KIF5C: variants seen among roughly 807,000 people sequenced by gnomAD.
KIF5C encodes the protein kinesin heavy chain isoform 5C.
A neutral mutation model predicts 125.2 loss-of-function variants in KIF5C; 18 were observed. The observed-to-expected ratio is 0.14, with a 90% CI of 0.10 to 0.21. The LOEUF is 0.21. Among genes scored for constraint, KIF5C ranks in the 10% least tolerant of loss-of-function variants. The probability of loss-of-function intolerance (pLI) is 1.00; values close to 1 mark genes in which losing one functional copy is unlikely to be tolerated. For missense variants in KIF5C, 780 were observed against 1,183.8 expected (o/e 0.66, Z 5.01); for synonymous variants, 405 against 434.0 (o/e 0.93, Z 0.83).
chr2:148,948,338 C>T (rs1419464149), intron 8 of KIF5C, among the ~76,000 whole-genome samples: 1 of 145,014 alleles, frequency 6.9e-6, no homozygotes, highest in African/African-American at 2.6e-5. Context: ...GCCTGGGTGA[C>T]AGAGGGAGAC....
chr2:148,891,636 T>A (rs779563343), intron 1 of KIF5C, among the ~76,000 whole-genome samples: 1 of 152,210 alleles, frequency 6.6e-6, no homozygotes, highest in Non-Finnish European at 1.5e-5. Flanking sequence ...AACAGTGTAG[T>A]GACAACACTT....
chr2:148,906,339 A>AG (rs1218420688), intron 1 of KIF5C, among the ~76,000 whole-genome samples: 3 of 152,216 alleles, frequency 2.0e-5, no homozygotes, highest in African/African-American at 7.2e-5. Context: ...CTCATTGATC[A>AG]TAAGGAAGTC....
chr2:148,921,916 A>AT (rs562895264), intron 1 of KIF5C, among the ~76,000 whole-genome samples: 2 of 152,080 alleles, frequency 1.3e-5, no homozygotes, highest in East Asian at 3.8e-4. Context: ...TTCAATTTAA[A>AT]TTTTTTTAAA....
intron 3 of KIF5C, among the ~76,000 whole-genome samples, chr2:148,934,690 C>T (rs934735117): frequency 6.6e-6 from 1 of 151,906 alleles, no homozygotes; most frequent in African/African-American, 2.4e-5. Flanking sequence ...GCCACACTTC[C>T]TACATTCACG....
chr2:148,963,519 T>G (rs1682978188), intron 11 of KIF5C, among the ~76,000 whole-genome samples: 1 of 152,174 alleles, frequency 6.6e-6, no homozygotes. Flanking sequence ...ATTCTTTTAT[T>G]TTTGAAAGAT....
intron 13 of KIF5C, among the ~76,000 whole-genome samples, chr2:148,981,032 A>T (rs1681219880): frequency 6.6e-6 from 1 of 152,090 alleles, no homozygotes; most frequent in African/African-American, 2.4e-5. Flanking sequence ...TAAAATATGG[A>T]ATAGCTATAA....
intron 11 of KIF5C, among the ~76,000 whole-genome samples, chr2:148,966,190 T>A (rs1683044845): frequency 6.6e-6 from 1 of 152,210 alleles, no homozygotes; most frequent in Non-Finnish European, 1.5e-5. Flanking sequence ...TATTTCCACA[T>A]GGCAGTCTCC....
At chr2:148,976,189 T>A (rs540663354) in intron 12 of KIF5C, among the ~76,000 whole-genome samples, 1 of 152,332 alleles carries the variant, frequency 6.6e-6, no homozygotes, top group East Asian at 1.9e-4. Context: ...AACAGTGACC[T>A]GTTGACAACT....
chr2:149,011,540 TTC>T, intron 24 of KIF5C, 28 bp from the exon 25 acceptor site: 2 of 1,612,980 alleles, frequency 1.2e-6, no homozygotes, highest in Non-Finnish European at 8.5e-7. Flanking sequence ...TAAATGTCTG[TTC>T]TCTCTTCTTT....
chr2:149,023,148 T>G lies in KIF5C; in HGVS notation c.*78T>G, dbSNP rs1334922718. The G allele has an allele frequency of 6.6e-6, 1 of 152,118 alleles. No homozygotes were observed. The highest frequency in any genetic ancestry group is 2.4e-5 in the African/African-American group (1 of 41,402). The allele number at this position is 152,118 out of a possible 1,614,324, so 9.4% of individuals were successfully genotyped here. A position where few individuals can be genotyped will look rare whatever the true frequency, so the allele number is the denominator to read the frequency against. ...CCTTTATTTTTCCCCCCCTACAGTTTCCATTTTTTTTTTATACTTGCTTAC... is the reference window on the plus strand; with the variant it reads ...CCTTTATTTTTCCCCCCCTACAGTTGCCATTTTTTTTTTATACTTGCTTAC... On this transcript the variant is annotated 3_prime_UTR_variant, in exon 26 of 26. Coordinates refer to ENST00000435030, the MANE Select transcript of KIF5C (RefSeq NM_004522.3).
chr2:148,934,623 TAC>T (rs984674080), intron 3 of KIF5C, among the ~76,000 whole-genome samples: 10 of 149,760 alleles, frequency 6.7e-5, no homozygotes, highest in Non-Finnish European at 1.2e-4. Context: ...ACATATACAA[TAC>T]ACACACGCCA....
At chr2:148,952,593 CA>C (rs1277810956) in intron 10 of KIF5C, among the ~76,000 whole-genome samples, 1 of 152,168 alleles carries the variant, frequency 6.6e-6, no homozygotes, top group Admixed American at 6.5e-5. Context: ...TCCTAGGATG[CA>C]GTGTCTGAGC....
chr2:148,936,254 G>A (rs1326675421), intron 3 of KIF5C, among the ~76,000 whole-genome samples: 3 of 152,232 alleles, frequency 2.0e-5, no homozygotes, highest in Admixed American at 6.5e-5. Context: ...CTGCACTGCA[G>A]CCTGGGCAAC....
intron 23 of KIF5C, among the ~76,000 whole-genome samples, chr2:149,008,684 T>A (rs1213279127): frequency 6.6e-6 from 1 of 152,216 alleles, no homozygotes; most frequent in African/African-American, 2.4e-5. Context: ...GGATACTTTC[T>A]TTTTAAATGT....
At chr2:148,933,051 A>G (rs1346243188) in intron 3 of KIF5C, among the ~76,000 whole-genome samples, 1 of 152,140 alleles carries the variant, frequency 6.6e-6, no homozygotes, top group Non-Finnish European at 1.5e-5. Context: ...CAAGGTGATG[A>G]GGCAGTGGAT....
At chr2:148,954,315 A>G (rs1682741085) in intron 10 of KIF5C, among the ~76,000 whole-genome samples, 1 of 152,236 alleles carries the variant, frequency 6.6e-6, no homozygotes, top group African/African-American at 2.4e-5. Context: ...ACGAGGCAGT[A>G]GAAAGTCAAA....
At chr2:148,954,746 A>G (rs1682752069) in intron 10 of KIF5C, among the ~76,000 whole-genome samples, 1 of 152,210 alleles carries the variant, frequency 6.6e-6, no homozygotes, top group African/African-American at 2.4e-5. Context: ...TAATTGTGTC[A>G]TCTGCCAGTT....
chr2:149,009,234 C>A (rs1454261723), intron 23 of KIF5C, among the ~76,000 whole-genome samples: 1 of 152,006 alleles, frequency 6.6e-6, no homozygotes, highest in Non-Finnish European at 1.5e-5. Flanking sequence ...TCGTGATCCG[C>A]CCACCTTGAC....
chr2:148,991,583 T>C (rs1379818630), intron 16 of KIF5C, among the ~76,000 whole-genome samples: 1 of 152,088 alleles, frequency 6.6e-6, no homozygotes, highest in Non-Finnish European at 1.5e-5. Flanking sequence ...CTAATAGTAG[T>C]AGTAGCAGGT....
Sources: gnomAD v4.1 joint callset for allele counts (sites outside exome capture counted in the v4.1 genomes callset) on GRCh38, gnomAD v4.1.1 for gene constraint, MANE v1.5 for transcripts, NCBI Gene and HGNC (gene_info 2026-07-23, HGNC 2026-07-21) for gene names.